The following RAB3GAP1 variants were observed in gnomAD, a reference collection of about 807,000 sequenced individuals.
The protein encoded by RAB3GAP1 is RAB3 GTPase activating protein catalytic subunit 1.
Under a neutral mutation model 130.7 loss-of-function variants are expected in RAB3GAP1, and 86 were observed. The observed-to-expected ratio is 0.66, with a 90% confidence interval of 0.55 to 0.79. RAB3GAP1 has a LOEUF of 0.79. RAB3GAP1 is among the 30% of genes least tolerant of loss of function. The pLI is 0.00. For missense variants in RAB3GAP1, 1,029 were observed against 1,169.4 expected (o/e 0.88, Z 1.75); for synonymous variants, 367 against 401.7 (o/e 0.91, Z 1.03).
In RAB3GAP1 at chr2:135,153,701, G is replaced by A. The variant is rs367558491; in HGVS notation, c.2114G>A (p.Arg705Gln). The A allele has an allele frequency of 4.0e-5, 65 of 1,613,834 alleles. No homozygotes were observed. Among genetic ancestry groups the A allele is most frequent in the Non-Finnish European group, 5.3e-5 (63 of 1,179,926 alleles). Residue 705 changes from arginine to glutamine, a missense_variant, in exon 19 of 24, where the codon CGG becomes CAG. By Grantham distance (43) the Arg-to-Gln change is conservative. This residue lies in a region of RAB3GAP1 where 373 missense variants were observed against 493.6 expected (regional missense o/e 0.76). Coordinates refer to ENST00000264158, the MANE Select transcript of RAB3GAP1 (RefSeq NM_012233.3). ...LEDFVRWYSPRDYIEEEVIDE... is the reference protein window; with the variant it reads ...LEDFVRWYSPQDYIEEEVIDE... Reference sequence around the variant, plus strand: ...GATTTTGTGAGGTGGTATTCACCCCGGGATTATATTGAAGAGGAGGTGATT... The same window carrying A: ...GATTTTGTGAGGTGGTATTCACCCCAGGATTATATTGAAGAGGAGGTGATT...
intron 5 of RAB3GAP1, among the ~76,000 whole-genome samples, chr2:135,098,334 A>G (rs1236079048): frequency 6.6e-6 from 1 of 152,186 alleles, no homozygotes; most frequent in African/African-American, 2.4e-5. Flanking sequence ...AAGAGAAATG[A>G]AAAGATTATC....
chr2:135,055,043 G>A (rs1688972802), intron 2 of RAB3GAP1, among the ~76,000 whole-genome samples: 1 of 152,194 alleles, frequency 6.6e-6, no homozygotes, highest in African/African-American at 2.4e-5. Flanking sequence ...CAAGCACAGT[G>A]CACATTACGG....
Position 135,091,103 on chromosome 2 carries a change from A to C in RAB3GAP1, c.256A>C (p.Lys86Gln). Residue 86 changes from lysine (K) to glutamine (Q), a missense_variant, in exon 4 of 24, where the codon AAA becomes CAA. Lys to Gln is a moderately conservative substitution (Grantham distance 53). Around this residue, in one of 3 missense-constraint regions of RAB3GAP1, gnomAD observed 510 missense variants for 532.1 expected, o/e 0.96. Coordinates refer to ENST00000264158, the MANE Select transcript of RAB3GAP1 (RefSeq NM_012233.3). ...HHYLVQESTD[K>Q]EGKDELLEDV... ...TTATCTTGTACAAGAGTCCACTGAT[A>C]AAGAAGGAAAGGATGAGTTATTAGA... 1 of 1,597,432 alleles carries C rather than the reference A, an allele frequency of 6.3e-7. No individual in the cohort carries two copies. Among genetic ancestry groups the C allele is most frequent in the South Asian group, 1.1e-5 (1 of 90,704 alleles).
chr2:135,143,743 G>C (rs1030931834), intron 17 of RAB3GAP1, among the ~76,000 whole-genome samples: 4 of 151,904 alleles, frequency 2.6e-5, no homozygotes, highest in Non-Finnish European at 5.9e-5. Context: ...ATTTTTAGTA[G>C]AGACGGGGTT....
At position 135,169,766 on chromosome 2, in the gene RAB3GAP1, C is replaced by T. The variant is rs746463205; in HGVS notation, c.*985C>T. On this transcript the variant is annotated 3_prime_UTR_variant, in exon 24 of 24. Transcript: ENST00000264158. The stretch of plus-strand genomic sequence containing the variant: ...AATCGATGGGGATGTGTAGCCCCCC[C>T]GTGTGAGGATGACATCACCACATTT... 2.9e-5 allele frequency: 13 copies of T among 455,834 alleles called. No homozygotes were observed. Among genetic ancestry groups the T allele is most frequent in the East Asian group, 1.4e-4 (2 of 14,354 alleles). The allele number at this position is 455,834 out of a possible 1,614,324, so 28.2% of individuals were successfully genotyped here.
chr2:135,085,608 T>C (rs1689949647), intron 3 of RAB3GAP1, among the ~76,000 whole-genome samples: 1 of 152,198 alleles, frequency 6.6e-6, no homozygotes, highest in Non-Finnish European at 1.5e-5. Context: ...GTGGAAAGGA[T>C]GGTTGGTGCC....
At position 135,093,624 on chromosome 2, in the gene RAB3GAP1, C is replaced by T; in HGVS notation, c.293C>T (p.Pro98Leu). The change falls in exon 5 of 24, where the codon CCA becomes CTA. Residue 98 changes from proline (P) to leucine (L), a missense_variant. By Grantham distance (98) the Pro-to-Leu change is moderately conservative. Around this residue, in one of 3 missense-constraint regions of RAB3GAP1, gnomAD observed 510 missense variants for 532.1 expected, o/e 0.96. Coordinates refer to ENST00000264158, the MANE Select transcript of RAB3GAP1 (RefSeq NM_012233.3). ...TCAAATGTTTTTGTAGATGTTGTTC[C>T]ACAATCTATGCAAGATTTGCTGGGT... is the stretch of plus-strand genomic sequence containing the variant. ...GKDELLEDVVPQSMQDLLGMN... is the reference protein window; with the variant it reads ...GKDELLEDVVLQSMQDLLGMN... 1 of 1,612,920 alleles carries T rather than the reference C, an allele frequency of 6.2e-7. No individual in the cohort carries two copies. Among genetic ancestry groups the T allele is most frequent in the South Asian group, 1.1e-5 (1 of 91,042 alleles).
intron 3 of RAB3GAP1, among the ~76,000 whole-genome samples, chr2:135,074,971 AGTT>A (rs933395651): frequency 1.3e-5 from 2 of 152,142 alleles, no homozygotes; most frequent in Non-Finnish European, 1.5e-5. Flanking sequence ...CTCTTGGAAC[AGTT>A]GTTCTCCCCC....
intron 5 of RAB3GAP1, among the ~76,000 whole-genome samples, chr2:135,102,212 C>T (rs564546695): frequency 2.6e-5 from 4 of 152,186 alleles, no homozygotes; most frequent in East Asian, 1.9e-4. Context: ...AGTGTCATAG[C>T]GGTATGAGAA....
chr2:135,135,479 G>A lies in RAB3GAP1; in HGVS notation c.1555-85G>A, dbSNP rs1191248587. ...TTCACAAGGTCCTGAGAAGTGGAGA[G>A]TGAAAATTAAATATTCAAGCAGTAG... is the stretch of plus-strand genomic sequence containing the variant. On this transcript the variant is annotated intron_variant, in intron 16 of 23. Coordinates refer to ENST00000264158, the MANE Select transcript of RAB3GAP1 (RefSeq NM_012233.3). 31 of 1,474,988 alleles carry A rather than the reference G, an allele frequency of 2.1e-5. No homozygotes were observed. The South Asian group carries it at 2.4e-4, about 11-fold the overall frequency. 91.4% of individuals were successfully genotyped at this position (1,474,988 alleles called of 1,614,324 possible).
intron 19 of RAB3GAP1, among the ~76,000 whole-genome samples, chr2:135,157,838 A>C (rs995105904): frequency 7.4e-4 from 112 of 151,842 alleles, no homozygotes; most frequent in African/African-American, 2.3e-3. Flanking sequence ...TCTCAAAAAA[A>C]AAAAAAAAAA....
intron 3 of RAB3GAP1, among the ~76,000 whole-genome samples, chr2:135,062,972 A>G (rs996855757): frequency 8.5e-5 from 13 of 152,206 alleles, no homozygotes; most frequent in African/African-American, 2.9e-4. Context: ...AAATAGGGAC[A>G]GTTTTACTTT....
intron 17 of RAB3GAP1, among the ~76,000 whole-genome samples, chr2:135,145,373 C>T (rs1293842263): frequency 6.7e-6 from 1 of 148,892 alleles, no homozygotes; most frequent in African/African-American, 2.5e-5. Flanking sequence ...TCTCTTCATA[C>T]CACCCCTCAC....
chr2:135,167,909 T>C (rs149151682), intron 23 of RAB3GAP1, among the ~76,000 whole-genome samples: 2 of 152,278 alleles, frequency 1.3e-5, no homozygotes, highest in Admixed American at 6.5e-5. Context: ...TTAAAAAAAG[T>C]ACAGTAATCA....
intron 2 of RAB3GAP1, among the ~76,000 whole-genome samples, chr2:135,053,968 CAT>C (rs1198047489): frequency 6.6e-6 from 1 of 151,980 alleles, no homozygotes; most frequent in Non-Finnish European, 1.5e-5. Flanking sequence ...TGGGTAGAGA[CAT>C]AGGTGAGAAT....
rs375378420 is a variant in RAB3GAP1 at position 135,164,106 on chromosome 2, A to C, written c.2607-488A>C. On this transcript the variant is annotated intron_variant, in intron 22 of 23. Transcript: ENST00000264158. ...TACTTGGAAGTTCAGTGTTTCCAGC[A>C]TCTAATGGCACAGTTTACAATTGCG... 2.2e-4 allele frequency among the ~76,000 whole-genome samples: 33 copies of C among 152,364 alleles called. No homozygotes were observed. In the South Asian group the frequency reaches 5.8e-3, roughly 27 times the overall value.
At chr2:135,056,431 C>G (rs1463571039) in intron 2 of RAB3GAP1, among the ~76,000 whole-genome samples, 3 of 152,094 alleles carry the variant, frequency 2.0e-5, no homozygotes, top group Non-Finnish European at 2.9e-5. Context: ...GTCTTGAACT[C>G]CTGACCTCGT....
intron 8 of RAB3GAP1, among the ~76,000 whole-genome samples, chr2:135,121,222 A>G (rs1691190517): frequency 6.6e-6 from 1 of 152,184 alleles, no homozygotes; most frequent in Admixed American, 6.5e-5. Context: ...AATGATTAAC[A>G]TGTCTGTTTT....
rs990480267 is a variant in RAB3GAP1 at position 135,135,708 on chromosome 2, G to C, written c.1699G>C (p.Glu567Gln). 1.2e-6 allele frequency: 2 copies of C among 1,614,082 alleles called. No homozygotes were observed. The highest frequency in any genetic ancestry group is 1.7e-6 in the Non-Finnish European group (2 of 1,179,980). The change falls in exon 17 of 24, where the codon GAA becomes CAA. Residue 567 changes from glutamate to glutamine, a missense_variant. Physicochemically the swap from Glu to Gln is conservative, Grantham distance 29 (BLOSUM62 2). Around this residue, in one of 3 missense-constraint regions of RAB3GAP1, gnomAD observed 373 missense variants for 493.6 expected, o/e 0.76. Coordinates refer to ENST00000264158, the MANE Select transcript of RAB3GAP1 (RefSeq NM_012233.3). ...AGATAATCTAAAAGAAACAGATAAG[G>C]AAAAGGGAGAGGTAGGAAAATCTTG... ...VPDNLKETDK[E>Q]KGEVGKSWDS...
Sources: gnomAD v4.1 joint callset for allele counts (sites outside exome capture counted in the v4.1 genomes callset) on GRCh38, gnomAD v4.1.1 for gene constraint, gnomAD v4.1.1 regional missense constraint, MANE v1.5 for transcripts, NCBI Gene and HGNC (gene_info 2026-07-23, HGNC 2026-07-21) for gene names.